Variants in PKHD1L1 observed in about 807,000 individuals in gnomAD.
PKHD1L1 encodes PKHD1 like 1, also known as fibrocystin-L.
Under a neutral mutation model 462.9 loss-of-function variants are expected in PKHD1L1, and 434 were observed. That is an observed-to-expected ratio of 0.94 (90% CI 0.87 to 1.02). The LOEUF (loss-of-function observed/expected upper bound fraction) is 1.02, where lower values mean the gene tolerates loss of function less well. PKHD1L1 is among the 50% of genes least tolerant of loss of function. The pLI is 0.00. For missense variants in PKHD1L1, 5,202 were observed against 5,096.1 expected, an observed-to-expected ratio of 1.02 and a Z score of -0.63; for synonymous variants, 1,781 against 1,750.0, an observed-to-expected ratio of 1.02 and a Z score of -0.44.
intron 29 of PKHD1L1, 40 bp downstream of exon 29, chr8:109,435,394 A>G: frequency 1.9e-6 from 3 of 1,584,868 alleles, no homozygotes; most frequent in Non-Finnish European, 2.6e-6. Flanking sequence ...AATTGCATGC[A>G]TTTCCATCAG....
intron 34 of PKHD1L1, 38 bp downstream of exon 34, chr8:109,441,417 C>T (rs774361230): frequency 1.8e-6 from 2 of 1,093,568 alleles, no homozygotes; most frequent in South Asian, 3.0e-5. Flanking sequence ...AATGGAAGCA[C>T]TGAAACCTGA....
Position 109,493,727 on chromosome 8 carries a change from C to G in PKHD1L1, c.10303C>G (p.Arg3435Gly). The change falls in exon 63 of 78, where the codon CGC becomes GGC. Residue 3435 changes from arginine (R) to glycine (G), a missense_variant. Arg to Gly is a moderately radical substitution (Grantham distance 125). Coordinates refer to ENST00000378402, the MANE Select transcript of PKHD1L1 (RefSeq NM_177531.6). ...GGCTGGATTTGGAAGAGCAGGATAC[C>G]GCATTGATGGTGAACCTTGCCCAGG... The part of the protein sequence containing the change: ...VVAGFGRAGY[R>G]IDGEPCPGQF... 1 of 1,606,458 alleles carries G rather than the reference C, an allele frequency of 6.2e-7. No homozygotes were observed. Among genetic ancestry groups the G allele is most frequent in the South Asian group, 1.1e-5 (1 of 90,034 alleles).
chr8:109,503,742 C>T (rs1262144450), intron 67 of PKHD1L1, among the ~76,000 whole-genome samples: 4 of 152,164 alleles, frequency 2.6e-5, no homozygotes, highest in Admixed American at 2.6e-4. Flanking sequence ...TTTAAACAAC[C>T]ATTTAGCTCA....
At position 109,435,897 on chromosome 8, in the gene PKHD1L1, C is replaced by T. The variant is rs534948992; in HGVS notation, c.3506-441C>T. ...ATGCTTTTATTTTACATTATTTCAT[C>T]GCTTATTTTTAAAGTTTAGTTTTCC... On this transcript the variant is annotated intron_variant, in intron 29 of 77. Coordinates refer to ENST00000378402, the MANE Select transcript of PKHD1L1 (RefSeq NM_177531.6). Among the ~76,000 whole-genome samples, 21 of 152,134 alleles carry T rather than the reference C, an allele frequency of 1.4e-4. No individual in the cohort carries two copies. The East Asian group carries it at 3.9e-3, about 28-fold the overall frequency.
chr8:109,400,425 G>A (rs980810911), intron 13 of PKHD1L1, 81 bp downstream of exon 13: 41 of 1,421,142 alleles, frequency 2.9e-5, no homozygotes, highest in Middle Eastern at 2.1e-4. Context: ...AAATCAAAAC[G>A]AATGAACATT....
chr8:109,495,086 A>C (rs1819021242), intron 63 of PKHD1L1, among the ~76,000 whole-genome samples: 1 of 151,932 alleles, frequency 6.6e-6, no homozygotes, highest in Admixed American at 6.6e-5. Flanking sequence ...AGATTCTTTG[A>C]ATCAGCATTT....
At chr8:109,371,601 T>TAA (rs1563711683) in intron 2 of PKHD1L1, among the ~76,000 whole-genome samples, 1 of 144,162 alleles carries the variant, frequency 6.9e-6, no homozygotes, top group African/African-American at 2.5e-5. Context: ...CTGAATGGTA[T>TAA]TGCCTAGGTT....
In PKHD1L1 at chr8:109,445,275, G is replaced by A; in HGVS notation, c.5406G>A (p.Val1802=). ...EVNENNITAL[V]TPLPVGHHSV... ...ATGAAAACAACATCACTGCTCTTGTGACTCCTCTCCCAGTTGGACATCATT... is the reference window on the plus strand; with the variant it reads ...ATGAAAACAACATCACTGCTCTTGTAACTCCTCTCCCAGTTGGACATCATT... Residue 1802 remains valine, a synonymous_variant, in exon 38 of 78, where the codon GTG becomes GTA. Transcript: ENST00000378402. 6.2e-7 allele frequency: 1 copy of A among 1,613,960 alleles called. No individual in the cohort carries two copies. Among genetic ancestry groups the A allele is most frequent in the Non-Finnish European group, 8.5e-7 (1 of 1,179,888 alleles).
intron 29 of PKHD1L1, 22 bp from the exon 30 acceptor site, chr8:109,436,316 T>C: frequency 1.9e-6 from 3 of 1,597,002 alleles, no homozygotes; most frequent in Non-Finnish European, 2.6e-6. Context: ...TGTTGTTGTT[T>C]TTGTTTGCTT....
At chr8:109,459,870 A>G (rs1333185451) in intron 47 of PKHD1L1, 34 bp downstream of exon 47, 3 of 1,576,444 alleles carry the variant, frequency 1.9e-6, no homozygotes, top group Admixed American at 3.6e-5. Context: ...TGGTATAATC[A>G]TGCCATATAG....
At chr8:109,399,942 TA>T (rs1813185350) in intron 12 of PKHD1L1, 133 bp from the exon 13 acceptor site, 1 of 916,554 alleles carries the variant, frequency 1.1e-6, no homozygotes, top group South Asian at 1.8e-5. Flanking sequence ...GGGGAATGTG[TA>T]ATTGTTTTGT....
At chr8:109,401,961 T>C (rs761173609) in intron 14 of PKHD1L1, among the ~76,000 whole-genome samples, 1 of 152,166 alleles carries the variant, frequency 6.6e-6, no homozygotes, top group Non-Finnish European at 1.5e-5. Context: ...CATAGATTGT[T>C]GCCACTTTTA....
intron 2 of PKHD1L1, among the ~76,000 whole-genome samples, chr8:109,378,718 C>T (rs1811959159): frequency 6.6e-6 from 1 of 152,176 alleles, no homozygotes; most frequent in African/African-American, 2.4e-5. Flanking sequence ...TACACAGTTG[C>T]TAACTTTGTA....
Position 109,445,478 on chromosome 8 carries a change from G to A in PKHD1L1, c.5609G>A (p.Cys1870Tyr). The part of the protein sequence containing the change: ...NTTVTIGDEP[C>Y]QIISINPNEV... ...ACAGTCACTATTGGGGATGAACCTT[G>A]TCAAATTATTTCCATCAACCCCAAT... The change falls in exon 38 of 78, where the codon TGT becomes TAT. Residue 1870 changes from cysteine (C) to tyrosine (Y), a missense_variant. Transcript: ENST00000378402. 1 of 1,613,844 alleles carries A rather than the reference G, an allele frequency of 6.2e-7. No homozygotes were observed. The highest frequency in any genetic ancestry group is 8.5e-7 in the Non-Finnish European group (1 of 1,179,828).
intron 76 of PKHD1L1, among the ~76,000 whole-genome samples, chr8:109,524,908 C>A (rs1190872003): frequency 6.6e-6 from 1 of 151,362 alleles, no homozygotes; most frequent in Non-Finnish European, 1.5e-5. Context: ...CTCCCCTCCC[C>A]TCTTCCTCTC....
At chr8:109,386,782 G>A (rs994359622) in intron 6 of PKHD1L1, among the ~76,000 whole-genome samples, 11 of 152,034 alleles carry the variant, frequency 7.2e-5, no homozygotes, top group African/African-American at 1.2e-4. Context: ...TAAGTCATCC[G>A]TTCCCATAAT....
intron 71 of PKHD1L1, among the ~76,000 whole-genome samples, chr8:109,512,105 A>G (rs368460850): frequency 1.3e-5 from 2 of 152,124 alleles, no homozygotes; most frequent in East Asian, 1.9e-4. Flanking sequence ...GCCCTTTGTC[A>G]GATGAGTAGG....
chr8:109,436,602 T>C (rs10111721), intron 30 of PKHD1L1, 143 bp downstream of exon 30: 13,538 of 1,315,502 alleles, frequency 0.01, 188 homozygotes, highest in African/African-American at 0.057. Context: ...TTAAAACTTA[T>C]TTCTTCCATA....
rs548217001 is a variant in PKHD1L1 at position 109,372,439 on chromosome 8, G to A, written c.163+7803G>A. The stretch of plus-strand genomic sequence containing the variant: ...CTGGGTTATCTAGATATACAATCTC[G>A]TCATCTGCAAACAGGGACAATTTGA... On this transcript the variant is annotated intron_variant, in intron 2 of 77. Transcript: ENST00000378402. Among the ~76,000 whole-genome samples the A allele has an allele frequency of 2.3e-4, 35 of 152,274 alleles. No individual in the cohort carries two copies. The South Asian group carries it at 3.5e-3, about 15-fold the overall frequency.
Sources: allele counts gnomAD v4.1 joint callset (sites outside exome capture counted in the v4.1 genomes callset), GRCh38; gene constraint gnomAD v4.1.1; transcripts MANE v1.5; gene names NCBI Gene and HGNC (gene_info 2026-07-23, HGNC 2026-07-21).